Variants in KCNS3 observed in about 807,000 individuals in gnomAD.
KCNS3 encodes the protein potassium voltage-gated channel modifier subfamily S member 3.
Under a neutral mutation model 31.0 loss-of-function variants are expected in KCNS3, and 13 were observed. That is an observed-to-expected ratio of 0.42 (90% CI 0.27 to 0.67). KCNS3 has a LOEUF of 0.67. Among genes scored for constraint, KCNS3 ranks in the 30% least tolerant of loss-of-function variants. The pLI is 0.25. For synonymous variants in KCNS3, 238 were observed against 241.5 expected (o/e 0.99, Z 0.13); for missense variants, 545 against 622.4 (o/e 0.88, Z 1.32).
rs1229779110 is a variant in KCNS3, at chr2:17,888,626, AATGTATATATATATATATATATAT to A, written c.-252+9823_-252+9846del. On this transcript the variant is annotated intron_variant, in intron 1 of 2. Coordinates refer to ENST00000304101, the MANE Select transcript of KCNS3 (RefSeq NM_002252.5). Reference sequence around the variant, plus strand: ...CTAGAACTTAAAGTATAATAAAAAAAATGTATATATATATATATATATATATATATATATATATATATATATAAA... The same window carrying A: ...CTAGAACTTAAAGTATAATAAAAAAAATATATATATATATATATATATAAA... Among the ~76,000 whole-genome samples the A allele has an allele frequency of 1.3e-4, 6 of 47,578 alleles. No homozygotes were observed. The Admixed American group carries it at 2.0e-3, about 16-fold the overall frequency. The allele number at this position is 47,578 out of a possible 152,430, so 31.2% of individuals were successfully genotyped here. A position where few individuals can be genotyped will look rare whatever the true frequency, so the allele number is the denominator to read the frequency against.
intron 1 of KCNS3, among the ~76,000 whole-genome samples, chr2:17,905,759 A>G (rs187938032): frequency 1.6e-4 from 24 of 152,312 alleles, no homozygotes; most frequent in African/African-American, 4.6e-4. Flanking sequence ...ATGCTGGATT[A>G]CGTTTATTGA....
intron 2 of KCNS3, among the ~76,000 whole-genome samples, chr2:17,926,659 G>T (rs1225069136): frequency 6.6e-6 from 1 of 152,244 alleles, no homozygotes; most frequent in Non-Finnish European, 1.5e-5. Context: ...TTATAGCCAT[G>T]ACTGGAGCTG....
At position 17,902,624 on chromosome 2, in the gene KCNS3, G is replaced by A. The variant is rs1662208154; in HGVS notation, c.-251-15056G>A. On this transcript the variant is annotated intron_variant, in intron 1 of 2. Coordinates refer to ENST00000304101, the MANE Select transcript of KCNS3 (RefSeq NM_002252.5). ...CTTTAGATCTTTACTAGTGTTAAATGCATTTTTTACTAGTTTAATATGTAA... is the reference window on the plus strand; with the variant it reads ...CTTTAGATCTTTACTAGTGTTAAATACATTTTTTACTAGTTTAATATGTAA... 2.6e-5 allele frequency among the ~76,000 whole-genome samples: 4 copies of A among 152,242 alleles called. 1 individual carries two copies. Among genetic ancestry groups the A allele is most frequent in the South Asian group, 4.1e-4 (2 of 4,824 alleles).
At chr2:17,894,350 C>T (rs1176040488) in intron 1 of KCNS3, among the ~76,000 whole-genome samples, 2 of 152,134 alleles carry the variant, frequency 1.3e-5, no homozygotes, top group Non-Finnish European at 2.9e-5. Context: ...ACACACCCAT[C>T]CATGCAAACA....
chr2:17,926,214 G>A (rs766451026), intron 2 of KCNS3, among the ~76,000 whole-genome samples: 11 of 152,162 alleles, frequency 7.2e-5, no homozygotes, highest in Non-Finnish European at 1.2e-4. Context: ...CATGGTCTTG[G>A]GCAGCTCCAC....
intron 1 of KCNS3, among the ~76,000 whole-genome samples, chr2:17,906,418 G>A (rs1166440461): frequency 6.7e-6 from 1 of 149,876 alleles, no homozygotes; most frequent in Non-Finnish European, 1.5e-5. Context: ...CCAGCTCCTG[G>A]ATTCATTGAT....
In KCNS3 at chr2:17,932,896, A is replaced by G. The variant is rs1223735856; in HGVS notation, c.*412A>G. On this transcript the variant is annotated 3_prime_UTR_variant, in exon 3 of 3. Transcript: ENST00000304101. ...CCACAAAATGAGACAATGCATGTAA[A>G]TCCATGCTCATGTTCTAAACATGGA... The G allele has an allele frequency of 1.1e-5, 2 of 176,246 alleles. No homozygotes were observed. Among genetic ancestry groups the G allele is most frequent in the African/African-American group, 4.8e-5 (2 of 41,622 alleles). The allele number at this position is 176,246 out of a possible 1,614,324, so 10.9% of individuals were successfully genotyped here.
chr2:17,879,817 A>G (rs553693053), intron 1 of KCNS3, among the ~76,000 whole-genome samples: 1 of 152,282 alleles, frequency 6.6e-6, no homozygotes, highest in South Asian at 2.1e-4. Flanking sequence ...GAGGACAGCA[A>G]AGAGCTACCT....
At chr2:17,899,196 A>C (rs1405501288) in intron 1 of KCNS3, among the ~76,000 whole-genome samples, 2 of 152,194 alleles carry the variant, frequency 1.3e-5, no homozygotes, top group Non-Finnish European at 2.9e-5. Flanking sequence ...ACTGCACTCC[A>C]GCCTGGCGAC....
At chr2:17,918,406 G>A (rs1662637582) in intron 2 of KCNS3, among the ~76,000 whole-genome samples, 1 of 152,210 alleles carries the variant, frequency 6.6e-6, no homozygotes, top group Admixed American at 6.5e-5. Context: ...TGGGAAGACG[G>A]AATGATATGT....
At chr2:17,901,119 C>T (rs767824674) in intron 1 of KCNS3, among the ~76,000 whole-genome samples, 5 of 151,992 alleles carry the variant, frequency 3.3e-5, no homozygotes, top group East Asian at 1.9e-4. Flanking sequence ...CCCTAAAGGC[C>T]GAAAGAGCCA....
intron 2 of KCNS3, among the ~76,000 whole-genome samples, chr2:17,923,637 G>A (rs1662771381): frequency 6.6e-6 from 1 of 151,788 alleles, no homozygotes; most frequent in South Asian, 2.1e-4. Flanking sequence ...TGTATTTAAA[G>A]TTAATTTTTG....
At chr2:17,895,464 G>C (rs1200578192) in intron 1 of KCNS3, among the ~76,000 whole-genome samples, 4 of 152,158 alleles carry the variant, frequency 2.6e-5, no homozygotes, top group Non-Finnish European at 5.9e-5. Flanking sequence ...ATGTCCTGGA[G>C]TCCCTAAGAA....
chr2:17,886,025 C>CA (rs1324601657), intron 1 of KCNS3, among the ~76,000 whole-genome samples: 4 of 151,868 alleles, frequency 2.6e-5, no homozygotes, highest in East Asian at 3.9e-4. Flanking sequence ...GACTCCATGT[C>CA]AAAAAAACAA....
intron 2 of KCNS3, among the ~76,000 whole-genome samples, chr2:17,927,382 T>C (rs1662862005): frequency 6.6e-6 from 1 of 152,168 alleles, no homozygotes. Context: ...AGTTCCAAAG[T>C]TGCTTCCACA....
chr2:17,879,224 G>C (rs760715433), intron 1 of KCNS3, among the ~76,000 whole-genome samples: 1 of 152,252 alleles, frequency 6.6e-6, no homozygotes, highest in African/African-American at 2.4e-5. Flanking sequence ...GGGCATCCCC[G>C]GGGCGTTTCC....
At chr2:17,888,670 T>TATATATATAA (rs1256591810) in intron 1 of KCNS3, among the ~76,000 whole-genome samples, 30 of 129,162 alleles carry the variant, frequency 2.3e-4, no homozygotes, top group Non-Finnish European at 4.2e-4. Flanking sequence ...TATATATATA[T>TATATATATAA]ATAAAGAAAA....
At chr2:17,896,448 G>A (rs545543978) in intron 1 of KCNS3, among the ~76,000 whole-genome samples, 1 of 152,154 alleles carries the variant, frequency 6.6e-6, no homozygotes, top group South Asian at 2.1e-4. Context: ...CTTATGTACT[G>A]GTGTGACTTT....
At chr2:17,896,927 C>T (rs1289429147) in intron 1 of KCNS3, among the ~76,000 whole-genome samples, 1 of 151,778 alleles carries the variant, frequency 6.6e-6, no homozygotes, top group Non-Finnish European at 1.5e-5. Flanking sequence ...AGTATGTGTG[C>T]AGGTTTGTTT....
Sources: gnomAD v4.1 joint callset for allele counts (sites outside exome capture counted in the v4.1 genomes callset) on GRCh38, gnomAD v4.1.1 for gene constraint, MANE v1.5 for transcripts, NCBI Gene and HGNC (gene_info 2026-07-23, HGNC 2026-07-21) for gene names.